The following CCSER1 variants were observed in gnomAD, a reference collection of about 807,000 sequenced individuals.
The protein encoded by CCSER1 is coiled-coil serine rich protein 1.
CCSER1 carries 41 observed loss-of-function variants against 82.0 expected under a neutral mutation model. The observed-to-expected ratio is 0.50, with a 90% CI of 0.39 to 0.65. The LOEUF (loss-of-function observed/expected upper bound fraction) is 0.65. Among genes scored for constraint, CCSER1 ranks in the 30% least tolerant of loss-of-function variants. The pLI is 0.00. For synonymous variants in CCSER1, 414 were observed against 383.9 expected (o/e 1.08, Z -0.92); for missense variants, 1,119 against 1,064.2 (o/e 1.05, Z -0.72).
At chr4:91,360,060 C>A (rs1749147800) in intron 10 of CCSER1, among the ~76,000 whole-genome samples, 1 of 151,766 alleles carries the variant, frequency 6.6e-6, no homozygotes, top group Non-Finnish European at 1.5e-5. Context: ...ACAATCCAAG[C>A]TATTTTTAAG....
intron 1 of CCSER1, among the ~76,000 whole-genome samples, chr4:90,146,709 A>C (rs934904068): frequency 6.6e-6 from 1 of 152,084 alleles, no homozygotes; most frequent in Non-Finnish European, 1.5e-5. Flanking sequence ...TAATTTATAC[A>C]GAGGATTATA....
At chr4:90,307,565 G>A (rs1579089646) in intron 1 of CCSER1, among the ~76,000 whole-genome samples, 1 of 151,636 alleles carries the variant, frequency 6.6e-6, no homozygotes. Flanking sequence ...GAGTTAATGG[G>A]TGCAGCACAC....
chr4:90,431,673 C>T (rs145582281), intron 4 of CCSER1, among the ~76,000 whole-genome samples: 2 of 152,180 alleles, frequency 1.3e-5, no homozygotes, highest in East Asian at 3.9e-4. Flanking sequence ...AACGTTCACT[C>T]AGTATTTGTA....
intron 10 of CCSER1, among the ~76,000 whole-genome samples, chr4:91,286,710 T>C (rs1743306082): frequency 6.6e-6 from 1 of 151,980 alleles, no homozygotes; most frequent in African/African-American, 2.4e-5. Flanking sequence ...TAATTACTAC[T>C]TTAAGAGTTC....
intron 1 of CCSER1, among the ~76,000 whole-genome samples, chr4:90,289,473 T>C (rs746354489): frequency 4.6e-5 from 7 of 151,862 alleles, no homozygotes; most frequent in Non-Finnish European, 1.0e-4. Context: ...TAGAAGAAAG[T>C]GAAAAAGAGA....
At chr4:90,655,427 AC>A (rs1167464688) in intron 6 of CCSER1, among the ~76,000 whole-genome samples, 2 of 152,158 alleles carry the variant, frequency 1.3e-5, no homozygotes, top group Non-Finnish European at 2.9e-5. Flanking sequence ...GTAAAAGAGA[AC>A]TTTGGGAAGT....
intron 1 of CCSER1, among the ~76,000 whole-genome samples, chr4:90,267,641 G>A (rs1008744605): frequency 2.0e-5 from 3 of 152,156 alleles, no homozygotes; most frequent in African/African-American, 7.2e-5. Flanking sequence ...TGAGCACAGA[G>A]AGAAGGACTT....
chr4:91,423,353 C>A (rs1753787832), intron 10 of CCSER1, among the ~76,000 whole-genome samples: 1 of 151,786 alleles, frequency 6.6e-6, no homozygotes, highest in African/African-American at 2.4e-5. Flanking sequence ...TTGCTTGAAC[C>A]CAGGAGGTGG....
chr4:90,308,134 A>C (rs898043278), intron 1 of CCSER1, 110 bp from the exon 2 acceptor site: 14 of 807,950 alleles, frequency 1.7e-5, no homozygotes, highest in Admixed American at 3.5e-5. Context: ...TTATCGTCTT[A>C]GTATAAACTA....
chr4:90,666,175 A>T lies in CCSER1; in HGVS notation c.1932+37943A>T, dbSNP rs554312117. On this transcript the variant is annotated intron_variant, in intron 6 of 10. Transcript: ENST00000509176. The stretch of plus-strand genomic sequence containing the variant: ...TTTTCATACGTTAGATGCAAAAAAA[A>T]CTTTGCTCTTCAAAGTTTATATGAT... 1.3e-4 allele frequency among the ~76,000 whole-genome samples: 20 copies of T among 152,262 alleles called. No homozygotes were observed. The South Asian group carries it at 1.7e-3, about 13-fold the overall frequency.
At chr4:91,304,744 C>T (rs1744920024) in intron 10 of CCSER1, among the ~76,000 whole-genome samples, 1 of 151,956 alleles carries the variant, frequency 6.6e-6, no homozygotes, top group Non-Finnish European at 1.5e-5. Flanking sequence ...ACAATACAAT[C>T]CCCGAATGTT....
intron 10 of CCSER1, among the ~76,000 whole-genome samples, chr4:91,156,505 G>A (rs1416287005): frequency 6.6e-6 from 1 of 150,536 alleles, no homozygotes; most frequent in Non-Finnish European, 1.5e-5. Context: ...AACTTTTAGG[G>A]TCATCAAAAG....
intron 1 of CCSER1, among the ~76,000 whole-genome samples, chr4:90,151,488 A>T (rs1452007862): frequency 6.6e-6 from 1 of 152,022 alleles, no homozygotes; most frequent in African/African-American, 2.4e-5. Flanking sequence ...TTTAAAATCA[A>T]ATGTGGATAT....
chr4:91,266,452 C>G (rs1741592855), intron 10 of CCSER1, among the ~76,000 whole-genome samples: 1 of 151,922 alleles, frequency 6.6e-6, no homozygotes, highest in Non-Finnish European at 1.5e-5. Flanking sequence ...GGGGTTTCAC[C>G]ATGTTAGCCA....
chr4:90,166,912 C>CT (rs1730552818), intron 1 of CCSER1, among the ~76,000 whole-genome samples: 1 of 151,754 alleles, frequency 6.6e-6, no homozygotes, highest in Admixed American at 6.6e-5. Context: ...GAGGCTGTGT[C>CT]TTTTTTTAGT....
intron 10 of CCSER1, among the ~76,000 whole-genome samples, chr4:91,530,779 C>T (rs1387067999): frequency 6.6e-6 from 1 of 150,786 alleles, no homozygotes; most frequent in South Asian, 2.1e-4. Flanking sequence ...CCTCCGCCTC[C>T]CAGGTTCAAG....
chr4:90,216,628 T>C lies in CCSER1; in HGVS notation c.-42+88797T>C, dbSNP rs185628863. ...TTCTCTAGTCTGTTTCATTGATCTA[T>C]GCATCTTTTTTTGTACCAGTACCAT... is the stretch of plus-strand genomic sequence containing the variant. On this transcript the variant is annotated intron_variant, in intron 1 of 10. Coordinates refer to ENST00000509176, the MANE Select transcript of CCSER1 (RefSeq NM_001145065.2). Among the ~76,000 whole-genome samples, 315 of 152,352 alleles carry C rather than the reference T, an allele frequency of 2.1e-3. 1 individual carries two copies. The highest frequency in any genetic ancestry group is 3.3e-3 in the Non-Finnish European group (227 of 68,038).
chr4:91,182,682 G>T (rs1243677087), intron 10 of CCSER1, among the ~76,000 whole-genome samples: 1 of 152,186 alleles, frequency 6.6e-6, no homozygotes, highest in East Asian at 1.9e-4. Context: ...AAGCTGGAAT[G>T]CCCATCACCA....
At chr4:91,585,169 A>C (rs879110774) in intron 10 of CCSER1, among the ~76,000 whole-genome samples, 4 of 151,496 alleles carry the variant, frequency 2.6e-5, no homozygotes, top group Non-Finnish European at 3.0e-5. Flanking sequence ...CACCTTAGCA[A>C]GTAAGTTTAA....
Sources: gnomAD v4.1 joint callset for allele counts (sites outside exome capture counted in the v4.1 genomes callset) on GRCh38, gnomAD v4.1.1 for gene constraint, MANE v1.5 for transcripts, NCBI Gene and HGNC (gene_info 2026-07-23, HGNC 2026-07-21) for gene names.